Variants in DTNB observed in about 807,000 individuals in gnomAD.
The protein encoded by DTNB is dystrobrevin beta, also known as DTN-B.
In DTNB, 63 loss-of-function variants were observed where a neutral mutation model predicts 90.7. The ratio of observed to expected loss-of-function variants is 0.69; its 90% CI spans 0.57 to 0.86. The LOEUF (loss-of-function observed/expected upper bound fraction) is 0.86. Ranked by LOEUF, DTNB falls within the 40% of genes least tolerant of loss-of-function variation. The pLI is 0.00. For missense variants in DTNB, 744 were observed against 807.1 expected, an observed-to-expected ratio of 0.92 and a Z score of 0.95; for synonymous variants, 277 against 286.7, an observed-to-expected ratio of 0.97 and a Z score of 0.34.
intron 9 of DTNB, among the ~76,000 whole-genome samples, chr2:25,491,479 G>A (rs1208332041): frequency 6.6e-6 from 1 of 152,180 alleles, no homozygotes; most frequent in Non-Finnish European, 1.5e-5. Flanking sequence ...TTGCCCATGA[G>A]TCAGCACCAT....
rs1343075829 is a variant in DTNB, at chr2:25,418,082, C to T, written c.1575+1433G>A. Among the ~76,000 whole-genome samples the T allele has an allele frequency of 6.6e-5, 10 of 152,084 alleles. No individual in the cohort carries two copies. The South Asian group carries it at 1.5e-3, about 22-fold the overall frequency. ...GTAAGTGTACCTACTGATGCAGAAA[C>T]GCCAGAGATGGAAGCAATAAACTCT... On this transcript the variant is annotated intron_variant, in intron 16 of 20. Coordinates refer to ENST00000406818, the MANE Select transcript of DTNB (RefSeq NM_021907.5).
chr2:25,604,930 G>T (rs1305973922), intron 5 of DTNB, among the ~76,000 whole-genome samples: 1 of 151,702 alleles, frequency 6.6e-6, no homozygotes, highest in African/African-American at 2.4e-5. Flanking sequence ...CGTTGCCCAG[G>T]CTGGTCTCAA....
chr2:25,399,040 T>C (rs1380576274), intron 16 of DTNB, among the ~76,000 whole-genome samples: 1 of 152,192 alleles, frequency 6.6e-6, no homozygotes, highest in East Asian at 1.9e-4. Context: ...GTAATACATC[T>C]ATCAGTCGTC....
At chr2:25,462,391 G>A (rs992843836) in intron 10 of DTNB, among the ~76,000 whole-genome samples, 4 of 152,026 alleles carry the variant, frequency 2.6e-5, no homozygotes, top group Non-Finnish European at 5.9e-5. Flanking sequence ...GAGGCTGGGT[G>A]TAGAGGAGCA....
At chr2:25,557,773 CAG>C (rs761247539) in intron 8 of DTNB, among the ~76,000 whole-genome samples, 13 of 152,162 alleles carry the variant, frequency 8.5e-5, no homozygotes, top group Non-Finnish European at 1.6e-4. Flanking sequence ...AAAATTGAGA[CAG>C]GGGTAAAACT....
chr2:25,450,063 T>C (rs1199597135), intron 12 of DTNB, among the ~76,000 whole-genome samples: 1 of 152,198 alleles, frequency 6.6e-6, no homozygotes, highest in Non-Finnish European at 1.5e-5. Context: ...TAGGGTCTAA[T>C]TTATCAATTT....
At chr2:25,398,631 G>A (rs978625230) in intron 16 of DTNB, among the ~76,000 whole-genome samples, 3 of 152,170 alleles carry the variant, frequency 2.0e-5, no homozygotes, top group Non-Finnish European at 4.4e-5. Context: ...GTTCCTTGGT[G>A]GTTTTGACAA....
At position 25,433,747 on chromosome 2, in the gene DTNB, A is replaced by T. The variant is rs1315101463; in HGVS notation, c.1343+163T>A. ...AATCAACAGCATGCAGACAGACACAAATCAGCGTCCAGGGCATTCCCTGGA... is the reference window on the plus strand; with the variant it reads ...AATCAACAGCATGCAGACAGACACATATCAGCGTCCAGGGCATTCCCTGGA... On this transcript the variant is annotated intron_variant, in intron 13 of 20. Transcript: ENST00000406818. Among the ~76,000 whole-genome samples the T allele has an allele frequency of 3.3e-5, 5 of 152,070 alleles. No individual in the cohort carries two copies. In the East Asian group the frequency reaches 9.6e-4, roughly 29 times the overall value.
In DTNB at chr2:25,462,778, A is replaced by G. The variant is rs1024809949; in HGVS notation, c.1080-7284T>C. On this transcript the variant is annotated intron_variant, in intron 10 of 20. Transcript: ENST00000406818. ...GAGTGCAGTGGCGGGATCTCGGCTC[A>G]CTGCAAGCTCCGCCTCCCGGGTTCA... Among the ~76,000 whole-genome samples the G allele has an allele frequency of 4.0e-5, 6 of 150,720 alleles. No homozygotes were observed. In the South Asian group the frequency reaches 1.0e-3, roughly 26 times the overall value.
intron 9 of DTNB, among the ~76,000 whole-genome samples, chr2:25,525,529 G>A (rs575821611): frequency 2.6e-5 from 4 of 151,820 alleles, no homozygotes; most frequent in Non-Finnish European, 4.4e-5. Context: ...CCAGCTACTC[G>A]GGAGGCTGAG....
Position 25,455,405 on chromosome 2 carries a change from C to T in DTNB, c.1169G>A (p.Arg390His), listed in dbSNP as rs200296831. ...CCACTGCTGCTGCACCACCACTGAC[C>T]GTGCACAGTGCTGCAGACGGGCCAC... ...SYVARLQHCARVLDSPSRLDE... is the reference protein window; with the variant it reads ...SYVARLQHCAHVLDSPSRLDE... The change falls in exon 11 of 21, where the codon CGT becomes CAT. Residue 390 changes from arginine (R) to histidine (H), a missense_variant and splice_region_variant. By Grantham distance (29) the Arg-to-His change is conservative. Transcript: ENST00000406818. 47 of 1,593,522 alleles carry T rather than the reference C, an allele frequency of 2.9e-5. No homozygotes were observed. Among genetic ancestry groups the T allele is most frequent in the Admixed American group, 8.8e-5 (5 of 56,742 alleles).
chr2:25,471,301 G>A (rs777830720), intron 10 of DTNB, among the ~76,000 whole-genome samples: 7 of 152,112 alleles, frequency 4.6e-5, no homozygotes, highest in East Asian at 3.9e-4. Context: ...TCTACCCAGC[G>A]GGGTCTCGTC....
At chr2:25,662,745 T>C (rs1194639290) in intron 1 of DTNB, among the ~76,000 whole-genome samples, 1 of 149,128 alleles carries the variant, frequency 6.7e-6, no homozygotes, top group African/African-American at 2.5e-5. Context: ...ATGGTAATCA[T>C]CAAATTCAGA....
chr2:25,471,042 T>C (rs958161807), intron 10 of DTNB, among the ~76,000 whole-genome samples: 3 of 152,236 alleles, frequency 2.0e-5, no homozygotes, highest in African/African-American at 4.8e-5. Context: ...CACTGTCTCA[T>C]AGGTTGTGGC....
intron 5 of DTNB, among the ~76,000 whole-genome samples, chr2:25,600,987 A>G (rs1007149198): frequency 6.6e-6 from 1 of 152,216 alleles, no homozygotes; most frequent in African/African-American, 2.4e-5. Context: ...CCAAAACTGA[A>G]GGCACAGTGA....
At chr2:25,496,261 C>A (rs1342010034) in intron 9 of DTNB, among the ~76,000 whole-genome samples, 1 of 152,070 alleles carries the variant, frequency 6.6e-6, no homozygotes, top group Non-Finnish European at 1.5e-5. Context: ...TTTTTAAAAA[C>A]CTTTCCATGA....
At chr2:25,584,054 T>G (rs2061979189) in intron 6 of DTNB, among the ~76,000 whole-genome samples, 1 of 152,150 alleles carries the variant, frequency 6.6e-6, no homozygotes, top group Non-Finnish European at 1.5e-5. Flanking sequence ...GAGTTTCAGT[T>G]TTCTCATCTT....
At chr2:25,551,604 T>G (rs1360555105) in intron 8 of DTNB, among the ~76,000 whole-genome samples, 1 of 152,218 alleles carries the variant, frequency 6.6e-6, no homozygotes, top group Non-Finnish European at 1.5e-5. Context: ...CATACCACCT[T>G]CACTTAAAGA....
intron 9 of DTNB, among the ~76,000 whole-genome samples, chr2:25,529,793 G>A (rs2077808448): frequency 6.6e-6 from 1 of 152,164 alleles, no homozygotes; most frequent in Admixed American, 6.5e-5. Flanking sequence ...GATACTAACT[G>A]TAAATGCCAT....
Sources: gnomAD v4.1 joint callset for allele counts (sites outside exome capture counted in the v4.1 genomes callset) on GRCh38, gnomAD v4.1.1 for gene constraint, MANE v1.5 for transcripts, NCBI Gene and HGNC (gene_info 2026-07-23, HGNC 2026-07-21) for gene names.